The following PALS2 variants were observed in gnomAD, a reference collection of about 807,000 sequenced individuals.
The protein encoded by PALS2 is protein associated with LIN7 2, MAGUK p55 family member, also known as protein PALS2.
In PALS2, 27 loss-of-function variants were observed where a neutral mutation model predicts 61.6. The ratio of observed to expected loss-of-function variants is 0.44; its 90% confidence interval spans 0.32 to 0.60. PALS2 has a LOEUF of 0.60. Among genes scored for constraint, PALS2 ranks in the 20% least tolerant of loss-of-function variants. The pLI is 0.05. For synonymous variants in PALS2, 236 were observed against 218.6 expected, an observed-to-expected ratio of 1.08 and a Z score of -0.70; for missense variants, 554 against 639.4, an observed-to-expected ratio of 0.87 and a Z score of 1.44.
At chr7:24,678,247 G>C (rs2128030481) in intron 9 of PALS2, among the ~76,000 whole-genome samples, 1 of 152,254 alleles carries the variant, frequency 6.6e-6, no homozygotes, top group South Asian at 2.1e-4. Context: ...ACTTGCAAAG[G>C]GTTGTATGTC....
At chr7:24,597,551 G>A (rs906366735) in intron 1 of PALS2, among the ~76,000 whole-genome samples, 1 of 152,142 alleles carries the variant, frequency 6.6e-6, no homozygotes, top group Non-Finnish European at 1.5e-5. Flanking sequence ...ACTATTTAAG[G>A]ATGGAGAAGA....
intron 1 of PALS2, among the ~76,000 whole-genome samples, chr7:24,599,398 T>G (rs1354536336): frequency 1.3e-5 from 2 of 152,050 alleles, no homozygotes; most frequent in African/African-American, 4.8e-5. Context: ...TTACTATAAC[T>G]TTTTTACTTT....
rs113122120 is a variant in PALS2, at chr7:24,671,224, G to A, written c.1114+2564G>A. ...CTTTTTGATTGTAGTCATCCTAGTG[G>A]GTGTAAAGTTGTATCTCATTTTGGT... On this transcript the variant is annotated intron_variant, in intron 9 of 11. Coordinates refer to ENST00000222644, the MANE Select transcript of PALS2 (RefSeq NM_001303037.2). 7.7e-3 allele frequency among the ~76,000 whole-genome samples: 1,166 copies of A among 152,186 alleles called. 9 individuals are homozygous for A. Among genetic ancestry groups the A allele is most frequent in the African/African-American group, 0.026 (1,088 of 41,516 alleles).
chr7:24,574,096 G>C (rs981262121), intron 1 of PALS2: 3 of 152,262 alleles, frequency 2.0e-5, no homozygotes, highest in Non-Finnish European at 2.9e-5. Context: ...GTCCCGAGAG[G>C]GGGTGATTCC....
At chr7:24,632,294 C>T (rs755467831) in intron 2 of PALS2, among the ~76,000 whole-genome samples, 4 of 152,200 alleles carry the variant, frequency 2.6e-5, no homozygotes, top group African/African-American at 9.6e-5. Context: ...TAGCATGATA[C>T]ACCTTTCTCC....
chr7:24,677,802 T>G (rs575772387), intron 9 of PALS2, among the ~76,000 whole-genome samples: 47 of 152,288 alleles, frequency 3.1e-4, no homozygotes, highest in African/African-American at 1.1e-3. Context: ...TAAATACTCT[T>G]CACAGTAGTC....
intron 1 of PALS2, among the ~76,000 whole-genome samples, chr7:24,583,881 A>G (rs1407595609): frequency 2.6e-5 from 4 of 151,292 alleles, no homozygotes; most frequent in African/African-American, 9.7e-5. Flanking sequence ...CTCATTGTTC[A>G]GTTCCCACCT....
At chr7:24,620,552 C>G (rs1484995351) in intron 1 of PALS2, among the ~76,000 whole-genome samples, 1 of 151,914 alleles carries the variant, frequency 6.6e-6, no homozygotes, top group Non-Finnish European at 1.5e-5. Flanking sequence ...TTCACAATTT[C>G]TTTCACTTTT....
At chr7:24,649,588 A>G (rs917265) in intron 3 of PALS2, 24 bp from the exon 4 acceptor site, 88,349 of 1,520,858 alleles carry the variant, frequency 0.058, 2,947 homozygotes, top group South Asian at 0.084. Context: ...ATAAATAACC[A>G]CAGGCTATTT....
At chr7:24,598,419 A>T (rs752407352) in intron 1 of PALS2, among the ~76,000 whole-genome samples, 10 of 152,178 alleles carry the variant, frequency 6.6e-5, no homozygotes, top group Non-Finnish European at 1.3e-4. Flanking sequence ...TATAGTGTTG[A>T]TGCTTGCTAT....
chr7:24,690,671 T>C lies in PALS2; in HGVS notation c.*3057T>C, dbSNP rs1047663242. On this transcript the variant is annotated 3_prime_UTR_variant, in exon 12 of 12. Transcript: ENST00000222644. ...TGGCCCTAAAAAGTAGAATTTTCAC[T>C]TTCATTACAGCCATGCCTTTATTAT... The C allele has an allele frequency of 1.3e-5, 2 of 152,224 alleles. No individual in the cohort carries two copies. Among genetic ancestry groups the C allele is most frequent in the Admixed American group, 6.5e-5 (1 of 15,278 alleles). The allele number at this position is 152,224 out of a possible 1,614,324, so 9.4% of individuals were successfully genotyped here.
chr7:24,577,865 A>G (rs559146783), intron 1 of PALS2, among the ~76,000 whole-genome samples: 2 of 152,294 alleles, frequency 1.3e-5, no homozygotes, highest in Admixed American at 6.5e-5. Flanking sequence ...AGTATCTGAA[A>G]TTATGTTTTT....
At position 24,610,705 on chromosome 7, in the gene PALS2, T is replaced by G. The variant is rs1784083732; in HGVS notation, c.-2-12961T>G. On this transcript the variant is annotated intron_variant, in intron 1 of 11. Transcript: ENST00000222644. Reference sequence around the variant, plus strand: ...TAATCTTAAGAAAATGAAATTTCAGTCAGTTCTTTTTTCTTTATCATCTCT... The same window carrying G: ...TAATCTTAAGAAAATGAAATTTCAGGCAGTTCTTTTTTCTTTATCATCTCT... 2.0e-5 allele frequency among the ~76,000 whole-genome samples: 3 copies of G among 152,132 alleles called. No homozygotes were observed. The South Asian group carries it at 6.2e-4, about 31-fold the overall frequency.
At chr7:24,584,364 T>C (rs1782974341) in intron 1 of PALS2, among the ~76,000 whole-genome samples, 1 of 151,056 alleles carries the variant, frequency 6.6e-6, no homozygotes, top group East Asian at 1.9e-4. Context: ...CTAACTGGTG[T>C]GAGATGGTAT....
At chr7:24,671,343 C>CA (rs1407541572) in intron 9 of PALS2, among the ~76,000 whole-genome samples, 1 of 152,196 alleles carries the variant, frequency 6.6e-6, no homozygotes, top group Non-Finnish European at 1.5e-5. Flanking sequence ...AATGTCTGTT[C>CA]AAACTGGTTG....
At chr7:24,597,760 A>G (rs550424122) in intron 1 of PALS2, among the ~76,000 whole-genome samples, 11 of 152,310 alleles carry the variant, frequency 7.2e-5, no homozygotes, top group African/African-American at 2.6e-4. Context: ...TGATTCTGCA[A>G]GTGAAAGGGA....
At chr7:24,578,438 T>C (rs925369571) in intron 1 of PALS2, among the ~76,000 whole-genome samples, 1 of 152,208 alleles carries the variant, frequency 6.6e-6, no homozygotes, top group Non-Finnish European at 1.5e-5. Context: ...CCATAAGTAA[T>C]AGAAATCCAT....
chr7:24,686,338 G>A (rs1004359888), intron 11 of PALS2, among the ~76,000 whole-genome samples: 1 of 151,910 alleles, frequency 6.6e-6, no homozygotes, highest in Non-Finnish European at 1.5e-5. Flanking sequence ...TTTCACTCAA[G>A]GCCCACAGAG....
At chr7:24,590,961 T>A (rs1783262540) in intron 1 of PALS2, among the ~76,000 whole-genome samples, 3 of 152,092 alleles carry the variant, frequency 2.0e-5, no homozygotes, top group Admixed American at 2.0e-4. Flanking sequence ...CCAGCAAGCC[T>A]TTCTTATCTG....
Sources: gnomAD v4.1 joint callset for allele counts (sites outside exome capture counted in the v4.1 genomes callset) on GRCh38, gnomAD v4.1.1 for gene constraint, MANE v1.5 for transcripts, NCBI Gene and HGNC (gene_info 2026-07-23, HGNC 2026-07-21) for gene names.